Variants in SLC9A6 observed in about 807,000 individuals in gnomAD.
SLC9A6 encodes solute carrier family 9 member A6.
A neutral mutation model predicts 45.3 loss-of-function variants in SLC9A6; 6 were observed. The ratio of observed to expected loss-of-function variants is 0.13; its 90% CI spans 0.07 to 0.26. SLC9A6 has a LOEUF of 0.26. Ranked by LOEUF, SLC9A6 falls within the 10% of genes least tolerant of loss-of-function variation. The pLI is 1.00. For missense variants in SLC9A6, 278 were observed against 503.7 expected (o/e 0.55, Z 4.29); for synonymous variants, 191 against 187.7 (o/e 1.02, Z -0.14).
intron 1 of SLC9A6, among the ~76,000 whole-genome samples, chrX:135,976,004 A>AGAAG: frequency 1.2e-5 from 1 of 85,188 alleles, no homozygotes; most frequent in Admixed American, 1.3e-4. Context: ...AAAAAAAAGT[A>AGAAG]GAAGAAGACA....
chrX:136,028,105 C>T (rs1232126579), intron 13 of SLC9A6, among the ~76,000 whole-genome samples: 1 of 112,257 alleles, frequency 8.9e-6, no homozygotes, highest in Non-Finnish European at 1.9e-5. Context: ...AACATTGGGC[C>T]TCTTCATTGT....
intron 16 of SLC9A6, among the ~76,000 whole-genome samples, chrX:136,038,214 C>G (rs1556622007): frequency 9.0e-6 from 1 of 111,615 alleles, no homozygotes; most frequent in Non-Finnish European, 1.9e-5. Flanking sequence ...TCTTTTATTT[C>G]TAGTCTGCTG....
chrX:136,040,854 G>GCACATGC (rs1291151294), intron 17 of SLC9A6, among the ~76,000 whole-genome samples: 2 of 112,505 alleles, frequency 1.8e-5, no homozygotes, highest in Non-Finnish European at 3.8e-5. Context: ...AGGCGTGGTG[G>GCACATGC]CTCATGCCTG....
Position 135,999,167 on chromosome X carries a change from T to G in SLC9A6, c.637+199T>G, listed in dbSNP as rs782577545. On this transcript the variant is annotated intron_variant, in intron 6 of 17. Coordinates refer to ENST00000630721, the MANE Select transcript of SLC9A6 (RefSeq NM_001379110.1). ...CAAATTTGTTTTCCTTTTCCTTTTT[T>G]TTTTTTTAATTACATTTGCCTATTA... Among the ~76,000 whole-genome samples, 3 of 110,708 alleles carry G rather than the reference T, an allele frequency of 2.7e-5. No homozygotes were observed. The South Asian group carries it at 1.1e-3, about 42-fold the overall frequency.
intron 16 of SLC9A6, among the ~76,000 whole-genome samples, chrX:136,035,110 A>C (rs1485194943): frequency 8.9e-6 from 1 of 112,030 alleles, no homozygotes; most frequent in Non-Finnish European, 1.9e-5. Flanking sequence ...ATTAAGTCCT[A>C]CTCAATGAAG....
rs782541566 is a variant in SLC9A6, at chrX:135,975,981, CAAAAAAA to C, written c.-57+1212_-57+1218del. 6.6e-4 allele frequency among the ~76,000 whole-genome samples: 41 copies of C among 62,462 alleles called. No homozygotes were observed. The Admixed American group carries it at 7.3e-3, about 11-fold the overall frequency. The allele number at this position is 62,462 out of a possible 115,157, so 54.2% of individuals were successfully genotyped here. A position where few individuals can be genotyped will look rare whatever the true frequency, so the allele number is the denominator to read the frequency against. ...GACAGAGCGAGACCCTTTCTCTAAC[CAAAAAAA>C]AAAAAAAAAAAAAGTAGAAGAAGAC... On this transcript the variant is annotated intron_variant, in intron 1 of 16. Transcript: ENST00000636092.
chrX:135,982,351 G>A (rs960883072), upstream of SLC9A6, among the ~76,000 whole-genome samples: 2 of 91,566 alleles, frequency 2.2e-5, no homozygotes, highest in African/African-American at 8.0e-5. Context: ...AGAGCAGAAA[G>A]AGATGATAGA....
At chrX:135,990,024 C>T (rs1250197346) in intron 2 of SLC9A6, among the ~76,000 whole-genome samples, 4 of 111,644 alleles carry the variant, frequency 3.6e-5, no homozygotes, top group Non-Finnish European at 3.8e-5. Flanking sequence ...CTCGCTCTGT[C>T]TCCCAGGCTG....
intron 16 of SLC9A6, among the ~76,000 whole-genome samples, chrX:136,038,743 T>C (rs1603222760): frequency 9.1e-6 from 1 of 110,187 alleles, no homozygotes; most frequent in Non-Finnish European, 1.9e-5. Context: ...TTTCTTTTTT[T>C]TTTTCTTTTT....
upstream of SLC9A6, chrX:135,974,016 C>G (rs782595575): frequency 6.3e-5 from 43 of 687,296 alleles, no homozygotes; most frequent in East Asian, 2.8e-3. Flanking sequence ...GGGGGCAGGG[C>G]CAGTGGCGAG....
intron 6 of SLC9A6, among the ~76,000 whole-genome samples, chrX:136,001,336 C>CAAAAAAAA (rs569372174): frequency 8.5e-5 from 2 of 23,586 alleles, no homozygotes; most frequent in Non-Finnish European, 1.6e-4. Flanking sequence ...GACTCCATCT[C>CAAAAAAAA]AAAAAAAAAA....
At chrX:135,977,278 T>A (rs2089267195) in intron 1 of SLC9A6, among the ~76,000 whole-genome samples, 1 of 112,430 alleles carries the variant, frequency 8.9e-6, no homozygotes, top group African/African-American at 3.2e-5. Context: ...TTATTAAAGA[T>A]GGGGATAATG....
chrX:136,010,290 A>AT, intron 7 of SLC9A6, 152 bp from the exon 8 acceptor site: 1 of 423,493 alleles, frequency 2.4e-6, no homozygotes, highest in Non-Finnish European at 3.8e-6. Context: ...ACATTGCAGG[A>AT]TTTTTGGGTA....
chrX:136,000,686 T>C lies in SLC9A6; in HGVS notation c.638-1422T>C, dbSNP rs147170188. On this transcript the variant is annotated intron_variant, in intron 6 of 17. Transcript: ENST00000630721. ...TGCCCCATTTCTATTATTTTACCAT[T>C]GTTAGCTTGCTCTTAGAAGGGTGAG... is the stretch of plus-strand genomic sequence containing the variant. 8.5e-3 allele frequency among the ~76,000 whole-genome samples: 953 copies of C among 112,519 alleles called. 9 individuals are homozygous for C. The highest frequency in any genetic ancestry group is 0.03 in the African/African-American group (919 of 31,005).
intron 15 of SLC9A6, 184 bp downstream of exon 15, chrX:136,030,346 A>T: frequency 4.2e-6 from 2 of 470,823 alleles, no homozygotes; most frequent in Non-Finnish European, 7.5e-6. Flanking sequence ...AGTTTGCCAC[A>T]GTGCCATAGT....
chrX:136,019,335 G>A (rs1169000529), intron 11 of SLC9A6, among the ~76,000 whole-genome samples: 5 of 112,476 alleles, frequency 4.4e-5, no homozygotes, highest in Admixed American at 9.4e-5. Context: ...GTGATCCAAC[G>A]TGGCTCACCC....
At chrX:135,987,795 G>A (rs2089363061) in intron 2 of SLC9A6, among the ~76,000 whole-genome samples, 1 of 111,227 alleles carries the variant, frequency 9.0e-6, no homozygotes, top group African/African-American at 3.3e-5. Flanking sequence ...CCATAGGTAT[G>A]TGTGATCTTA....
At chrX:136,028,137 T>C (rs1276439193) in intron 13 of SLC9A6, among the ~76,000 whole-genome samples, 2 of 112,464 alleles carry the variant, frequency 1.8e-5, no homozygotes, top group African/African-American at 6.5e-5. Flanking sequence ...TATTCAGTCT[T>C]GTGATAATAT....
upstream of SLC9A6, chrX:135,974,538 G>T: frequency 3.2e-6 from 1 of 308,535 alleles, no homozygotes; most frequent in South Asian, 2.9e-5. Context: ...GGGGCGTTGG[G>T]GAAAGGCGGT....
Sources: gnomAD v4.1 joint callset for allele counts (sites outside exome capture counted in the v4.1 genomes callset) on GRCh38, gnomAD v4.1.1 for gene constraint, MANE v1.5 for transcripts, NCBI Gene and HGNC (gene_info 2026-07-23, HGNC 2026-07-21) for gene names.